The following H3Y2 variants were observed in gnomAD, a reference collection of about 807,000 sequenced individuals.
H3Y2 encodes the protein H3.Y histone 2.
H3Y2 carries 2 observed loss-of-function variants against 0.6 expected under a neutral mutation model. The observed-to-expected ratio is 3.36, with a 90% CI of 1.37 to 10.58. H3Y2 has a LOEUF of 10.58. Among genes scored for constraint, H3Y2 ranks in the 30% most tolerant of loss-of-function variants. The probability of loss-of-function intolerance (pLI) is 0.04; values close to 1 mark genes in which losing one functional copy is unlikely to be tolerated. For synonymous variants in H3Y2, 20 were observed against 7.8 expected, an observed-to-expected ratio of 2.56 and a Z score of -2.60; for missense variants, 36 against 19.1, an observed-to-expected ratio of 1.89 and a Z score of -1.66.
In H3Y2 at chr5:17,491,014, A is replaced by G. The variant is rs1738101038; in HGVS notation, c.*311T>C. Among the ~76,000 whole-genome samples, 1 of 151,740 alleles carries G rather than the reference A, an allele frequency of 6.6e-6. No homozygotes were observed. Among genetic ancestry groups the G allele is most frequent in the African/African-American group, 2.4e-5 (1 of 41,064 alleles). ...TTGTTTACAGAACCCGTATGCAGAC[A>G]TAGTAAAGAAAAAAAAATAAGATTT... On this transcript the variant is annotated 3_prime_UTR_variant, in exon 1 of 1. Coordinates refer to ENST00000600799, the MANE Select transcript of H3Y2 (RefSeq NM_001371919.1).
In H3Y2 at chr5:17,491,340, T is replaced by A. The variant is rs1015708814; in HGVS notation, c.429A>T (p.Gly143=). 1.4e-5 allele frequency: 6 copies of A among 414,826 alleles called. No homozygotes were observed. The highest frequency in any genetic ancestry group is 8.3e-5 in the African/African-American group (4 of 48,400). The allele number at this position is 414,826 out of a possible 1,614,324, so 25.7% of individuals were successfully genotyped here. Residue 143 remains glycine (G), a synonymous_variant, in exon 1 of 1, where the codon GGA becomes GGT. Coordinates refer to ENST00000600799, the MANE Select transcript of H3Y2 (RefSeq NM_001371919.1). The stretch of plus-strand genomic sequence containing the variant: ...AAGAAGTCCTCTAGAGTGCAAGGTT[T>A]CCCAGGAGCGTGGGCTCTCCGGCAC... ...GEGAGEPTLL[G]NLAL
rs564399944 is a variant in H3Y2 at position 17,491,846 on chromosome 5, G to A, written c.-78C>T. 2.5e-5 allele frequency: 10 copies of A among 398,746 alleles called. No individual in the cohort carries two copies. Among genetic ancestry groups the A allele is most frequent in the African/African-American group, 1.7e-4 (8 of 48,314 alleles). The allele number at this position is 398,746 out of a possible 1,614,324, so 24.7% of individuals were successfully genotyped here. A position where few individuals can be genotyped will look rare whatever the true frequency, so the allele number is the denominator to read the frequency against. On this transcript the variant is annotated 5_prime_UTR_variant, in exon 1 of 1. Transcript: ENST00000600799. ...GGCAGTACTGGCGTCAGAAAACAAG[G>A]GCAGTGGTGCTGTGGACAGGATTCA...
chr5:17,491,359 C>T lies in H3Y2; in HGVS notation c.410G>A (p.Gly137Glu), dbSNP rs1267390707. ...LARRLRGEGAGEPTLLGNLAL is the reference protein window; with the variant it reads ...LARRLRGEGAEEPTLLGNLAL ...AAGGTTTCCCAGGAGCGTGGGCTCT[C>T]CGGCACCCTCTCCACGGAGGCGGCG... The change falls in exon 1 of 1, where the codon GGA becomes GAA. Residue 137 changes from glycine to glutamate, a missense_variant. Physicochemically the swap from Gly to Glu is moderately conservative, Grantham distance 98. Transcript: ENST00000600799. 1.6e-5 allele frequency: 7 copies of T among 431,824 alleles called. No homozygotes were observed. Among genetic ancestry groups the T allele is most frequent in the African/African-American group, 1.2e-4 (6 of 48,644 alleles). 26.7% of individuals were successfully genotyped at this position (431,824 alleles called of 1,614,324 possible).
In H3Y2 at chr5:17,491,705, C is replaced by T. The variant is rs1738116444; in HGVS notation, c.64G>A (p.Ala22Thr). ...GCCCTTTTTCTGGCGGCTTTGGTGG[C>T]CAGGGGCTTCCTGGGGGCCTGCCAG... ...TAWQAPRKPL[A>T]TKAARKRASP... The change falls in exon 1 of 1, where the codon GCC becomes ACC. Residue 22 changes from alanine to threonine, a missense_variant. Ala to Thr is a moderately conservative substitution (Grantham distance 58, BLOSUM62 0). Coordinates refer to ENST00000600799, the MANE Select transcript of H3Y2 (RefSeq NM_001371919.1). 2.5e-6 allele frequency: 1 copy of T among 403,988 alleles called. No homozygotes were observed. The highest frequency in any genetic ancestry group is 4.3e-6 in the Non-Finnish European group (1 of 229,972). The allele number at this position is 403,988 out of a possible 1,614,324, so 25.0% of individuals were successfully genotyped here. A position where few individuals can be genotyped will look rare whatever the true frequency, so the allele number is the denominator to read the frequency against.
Position 17,491,108 on chromosome 5 carries a change from G to C in H3Y2, c.*217C>G, listed in dbSNP as rs901991143. ...CATTTCCACTTGACACTAGTACCTT[G>C]GGAGCCTCAAAGTAGATGAGACGTT... On this transcript the variant is annotated 3_prime_UTR_variant, in exon 1 of 1. Transcript: ENST00000600799. Among the ~76,000 whole-genome samples, 1 of 151,572 alleles carries C rather than the reference G, an allele frequency of 6.6e-6. No individual in the cohort carries two copies. Among genetic ancestry groups the C allele is most frequent in the Admixed American group, 6.6e-5 (1 of 15,232 alleles).
At position 17,491,103 on chromosome 5, in the gene H3Y2, A is replaced by G. The variant is rs2457756; in HGVS notation, c.*222T>C. 0.97 allele frequency among the ~76,000 whole-genome samples: 147,598 copies of G among 151,670 alleles called. 71,986 individuals carry two copies. Among genetic ancestry groups the G allele is most frequent in the East Asian group, 1 (5,144 of 5,152 alleles). On this transcript the variant is annotated 3_prime_UTR_variant, in exon 1 of 1. Coordinates refer to ENST00000600799, the MANE Select transcript of H3Y2 (RefSeq NM_001371919.1). ...AGAGACATTTCCACTTGACACTAGTACCTTGGGAGCCTCAAAGTAGATGAG... is the reference window on the plus strand; with the variant it reads ...AGAGACATTTCCACTTGACACTAGTGCCTTGGGAGCCTCAAAGTAGATGAG...
At position 17,491,901 on chromosome 5, in the gene H3Y2, G is replaced by A. The variant is rs773319437; in HGVS notation, c.-133C>T. ...GCCTGTGAGTTGAGATCCATGCGCA[G>A]GACTCTCCCACACACTTAACCCCTG... On this transcript the variant is annotated 5_prime_UTR_variant, in exon 1 of 1. Transcript: ENST00000600799. The A allele has an allele frequency of 1.4e-4, 57 of 397,224 alleles. No homozygotes were observed. Among genetic ancestry groups the A allele is most frequent in the Non-Finnish European group, 2.5e-4 (56 of 226,122 alleles). The allele number at this position is 397,224 out of a possible 1,614,324, so 24.6% of individuals were successfully genotyped here.
At position 17,492,035 on chromosome 5, in the gene H3Y2, G is replaced by C. The variant is rs1388186842; in HGVS notation, c.-267C>G. On this transcript the variant is annotated 5_prime_UTR_variant, in exon 1 of 1. Coordinates refer to ENST00000600799, the MANE Select transcript of H3Y2 (RefSeq NM_001371919.1). ...CCTTGGTCTACCCAGCAGCAGCCAG[G>C]AGTCTCCCTCGCAGGCAGTCTGTTT... 6.6e-6 allele frequency among the ~76,000 whole-genome samples: 1 copy of C among 151,618 alleles called. No homozygotes were observed. Among genetic ancestry groups the C allele is most frequent in the East Asian group, 1.9e-4 (1 of 5,158 alleles).
chr5:17,491,859 T>C lies in H3Y2; in HGVS notation c.-91A>G, dbSNP rs567375861. The C allele has an allele frequency of 2.6e-4, 102 of 398,348 alleles. 2 individuals are homozygous for C. The highest frequency in any genetic ancestry group is 1.9e-3 in the African/African-American group (93 of 48,304). The allele number at this position is 398,348 out of a possible 1,614,324, so 24.7% of individuals were successfully genotyped here. On this transcript the variant is annotated 5_prime_UTR_variant, in exon 1 of 1. Transcript: ENST00000600799. ...TCAGAAAACAAGGGCAGTGGTGCTG[T>C]GGACAGGATTCAGAGAGCCTGTGAG...
Position 17,491,496 on chromosome 5 carries a change from G to C in H3Y2, c.273C>G (p.Gly91=). 1 of 523,586 alleles carries C rather than the reference G, an allele frequency of 1.9e-6. No homozygotes were observed. The highest frequency in any genetic ancestry group is 3.4e-6 in the Non-Finnish European group (1 of 294,766). 32.4% of individuals were successfully genotyped at this position (523,586 alleles called of 1,614,324 possible). Residue 91 remains glycine, a synonymous_variant, in exon 1 of 1, where the codon GGC becomes GGG. Coordinates refer to ENST00000600799, the MANE Select transcript of H3Y2 (RefSeq NM_001371919.1). The stretch of plus-strand genomic sequence containing the variant: ...AGGCCTCGCTGGCCTCCTGCAGGGC[G>C]CCAATGGCCGCGCTCTGGAAGCGCA... ...PDLRFQSAAI[G]ALQEASEAYL... is the part of the protein sequence containing the mutation.
Position 17,491,692 on chromosome 5 carries a change from G to A in H3Y2, c.77C>T (p.Ala26Val), listed in dbSNP as rs990860821. 2.5e-6 allele frequency: 1 copy of A among 403,932 alleles called. No individual in the cohort carries two copies. 25.0% of individuals were successfully genotyped at this position (403,932 alleles called of 1,614,324 possible). A position where few individuals can be genotyped will look rare whatever the true frequency, so the allele number is the denominator to read the frequency against. ...APRKPLATKA[A>V]RKRASPTGGI... ...TCCTGTAGGCGACGCCCTTTTTCTG[G>A]CGGCTTTGGTGGCCAGGGGCTTCCT... Residue 26 changes from alanine (A) to valine (V), a missense_variant, in exon 1 of 1, where the codon GCC becomes GTC. Coordinates refer to ENST00000600799, the MANE Select transcript of H3Y2 (RefSeq NM_001371919.1).
rs1452520941 is a variant in H3Y2 at position 17,492,041 on chromosome 5, C to T, written c.-273G>A. 2.6e-5 allele frequency among the ~76,000 whole-genome samples: 4 copies of T among 151,596 alleles called. No individual in the cohort carries two copies. The highest frequency in any genetic ancestry group is 9.8e-5 in the African/African-American group (4 of 40,984). Reference sequence around the variant, plus strand: ...TCTACCCAGCAGCAGCCAGGAGTCTCCCTCGCAGGCAGTCTGTTTCTGACT... The same window carrying T: ...TCTACCCAGCAGCAGCCAGGAGTCTTCCTCGCAGGCAGTCTGTTTCTGACT... On this transcript the variant is annotated 5_prime_UTR_variant, in exon 1 of 1. Coordinates refer to ENST00000600799, the MANE Select transcript of H3Y2 (RefSeq NM_001371919.1).
rs1165056667 is a variant in H3Y2, at chr5:17,491,329, A to G, written c.440T>C (p.Leu147Pro). 1 of 409,662 alleles carries G rather than the reference A, an allele frequency of 2.4e-6. No individual in the cohort carries two copies. The highest frequency in any genetic ancestry group is 4.3e-6 in the Non-Finnish European group (1 of 231,606). The allele number at this position is 409,662 out of a possible 1,614,324, so 25.4% of individuals were successfully genotyped here. A position where few individuals can be genotyped will look rare whatever the true frequency, so the allele number is the denominator to read the frequency against. ...AGCAAACAGAAAAGAAGTCCTCTAG[A>G]GTGCAAGGTTTCCCAGGAGCGTGGG... is the stretch of plus-strand genomic sequence containing the variant. ...GEPTLLGNLA[L>P] The change falls in exon 1 of 1, where the codon CTC (leucine) becomes CCC (proline). Residue 147 changes from leucine (L) to proline (P), a missense_variant. By Grantham distance (98) the Leu-to-Pro change is moderately conservative. Coordinates refer to ENST00000600799, the MANE Select transcript of H3Y2 (RefSeq NM_001371919.1).
Position 17,492,061 on chromosome 5 carries a change from C to T in H3Y2, c.-293G>A, listed in dbSNP as rs1308653306. Among the ~76,000 whole-genome samples the T allele has an allele frequency of 6.6e-6, 1 of 151,716 alleles. No homozygotes were observed. Among genetic ancestry groups the T allele is most frequent in the Non-Finnish European group, 1.5e-5 (1 of 68,018 alleles). On this transcript the variant is annotated 5_prime_UTR_variant, in exon 1 of 1. Coordinates refer to ENST00000600799, the MANE Select transcript of H3Y2 (RefSeq NM_001371919.1). Reference sequence around the variant, plus strand: ...AGTCTCCCTCGCAGGCAGTCTGTTTCTGACTGGAGATCTCTGTGGTCTCAG... The same window carrying T: ...AGTCTCCCTCGCAGGCAGTCTGTTTTTGACTGGAGATCTCTGTGGTCTCAG...
Position 17,491,765 on chromosome 5 carries a change from C to A in H3Y2, c.4G>T (p.Ala2Ser). The A allele has an allele frequency of 2.5e-6, 1 of 403,380 alleles. No homozygotes were observed. Among genetic ancestry groups the A allele is most frequent in the Non-Finnish European group, 4.4e-6 (1 of 229,498 alleles). 25.0% of individuals were successfully genotyped at this position (403,380 alleles called of 1,614,324 possible). Residue 2 changes from alanine (A) to serine (S), a missense_variant, in exon 1 of 1, where the codon GCG becomes TCG. Ala to Ser is a moderately conservative substitution (Grantham distance 99, BLOSUM62 1). Transcript: ENST00000600799. M[A>S]RTKQTARKAT... The stretch of plus-strand genomic sequence containing the variant: ...TTGCGGGCGGTCTGCTTGGTGCGCG[C>A]CATGTTGTGGGGCCTTGTGCTCTCT...
At position 17,491,652 on chromosome 5, in the gene H3Y2, A is replaced by G. The variant is rs966844294; in HGVS notation, c.117T>C (p.Pro39=). 2.4e-6 allele frequency: 1 copy of G among 410,088 alleles called. No homozygotes were observed. The highest frequency in any genetic ancestry group is 4.3e-6 in the Non-Finnish European group (1 of 232,186). The allele number at this position is 410,088 out of a possible 1,614,324, so 25.4% of individuals were successfully genotyped here. The change falls in exon 1 of 1, where the codon CCT becomes CCC. Residue 39 remains proline, a synonymous_variant. Transcript: ENST00000600799. ...RASPTGGIKK[P]HRYKPGTLAL... Reference sequence around the variant, plus strand: ...CCAGGGTGCCAGGCTTGTAGCGGTGAGGCTTCTTGATCCCTCCTGTAGGCG... The same window carrying G: ...CCAGGGTGCCAGGCTTGTAGCGGTGGGGCTTCTTGATCCCTCCTGTAGGCG...
chr5:17,491,823 C>A lies in H3Y2; in HGVS notation c.-55G>T. The A allele has an allele frequency of 2.5e-6, 1 of 399,448 alleles. No individual in the cohort carries two copies. Among genetic ancestry groups the A allele is most frequent in the Non-Finnish European group, 4.4e-6 (1 of 227,044 alleles). The allele number at this position is 399,448 out of a possible 1,614,324, so 24.7% of individuals were successfully genotyped here. A position where few individuals can be genotyped will look rare whatever the true frequency, so the allele number is the denominator to read the frequency against. On this transcript the variant is annotated 5_prime_UTR_variant, in exon 1 of 1. Coordinates refer to ENST00000600799, the MANE Select transcript of H3Y2 (RefSeq NM_001371919.1). ...GAGGCTGAGCCTGGCCTGCTGCAGG[C>A]AGTACTGGCGTCAGAAAACAAGGGC...
rs891970324 is a variant in H3Y2, at chr5:17,491,375, G to A, written c.394C>T (p.Arg132Cys). The A allele has an allele frequency of 6.8e-6, 3 of 442,852 alleles. No individual in the cohort carries two copies. Among genetic ancestry groups the A allele is most frequent in the South Asian group, 6.8e-5 (1 of 14,812 alleles). 27.4% of individuals were successfully genotyped at this position (442,852 alleles called of 1,614,324 possible). ...GTGGGCTCTCCGGCACCCTCTCCACGGAGGCGGCGGGCCAGCTGCATGTCT... is the reference window on the plus strand; with the variant it reads ...GTGGGCTCTCCGGCACCCTCTCCACAGAGGCGGCGGGCCAGCTGCATGTCT... ...PRDMQLARRLRGEGAGEPTLL... is the reference protein window; with the variant it reads ...PRDMQLARRLCGEGAGEPTLL... Residue 132 changes from arginine to cysteine, a missense_variant, in exon 1 of 1, where the codon CGT becomes TGT. Coordinates refer to ENST00000600799, the MANE Select transcript of H3Y2 (RefSeq NM_001371919.1).
In H3Y2 at chr5:17,491,360, C is replaced by T. The variant is rs902067757; in HGVS notation, c.409G>A (p.Gly137Arg). The stretch of plus-strand genomic sequence containing the variant: ...AGGTTTCCCAGGAGCGTGGGCTCTC[C>T]GGCACCCTCTCCACGGAGGCGGCGG... ...LARRLRGEGAGEPTLLGNLAL is the reference protein window; with the variant it reads ...LARRLRGEGAREPTLLGNLAL Residue 137 changes from glycine to arginine, a missense_variant, in exon 1 of 1, where the codon GGA becomes AGA. Transcript: ENST00000600799. The T allele has an allele frequency of 2.3e-6, 1 of 431,928 alleles. No individual in the cohort carries two copies. The highest frequency in any genetic ancestry group is 4.1e-6 in the Non-Finnish European group (1 of 243,326). 26.8% of individuals were successfully genotyped at this position (431,928 alleles called of 1,614,324 possible).
Sources: allele counts gnomAD v4.1 joint callset (sites outside exome capture counted in the v4.1 genomes callset), GRCh38; gene constraint gnomAD v4.1.1; transcripts MANE v1.5; gene names NCBI Gene and HGNC (gene_info 2026-07-23, HGNC 2026-07-21).